The following MYO1E variants were observed in gnomAD, a reference collection of about 807,000 sequenced individuals.
MYO1E encodes the protein unconventional myosin-Ie.
A neutral mutation model predicts 151.1 loss-of-function variants in MYO1E; 68 were observed. The observed-to-expected ratio is 0.45, with a 90% CI of 0.37 to 0.55. The LOEUF (loss-of-function observed/expected upper bound fraction) is 0.55, where lower values mean the gene tolerates loss of function less well. Ranked by LOEUF, MYO1E falls within the 20% of genes least tolerant of loss-of-function variation. The pLI, the probability that MYO1E is intolerant of heterozygous loss-of-function variation, is 0.00. For synonymous variants in MYO1E, 601 were observed against 501.7 expected (o/e 1.20, Z -2.64); for missense variants, 1,363 against 1,389.3 (o/e 0.98, Z 0.30).
rs1250473775 is a variant in MYO1E at position 59,195,574 on chromosome 15, A to G, written c.1699-7T>C. 1 of 1,605,118 alleles carries G rather than the reference A, an allele frequency of 6.2e-7. No individual in the cohort carries two copies. The highest frequency in any genetic ancestry group is 8.5e-7 in the Non-Finnish European group (1 of 1,171,772). The stretch of plus-strand genomic sequence containing the variant: ...CAAGGTCATTGGCTTGTTTCTAGAA[A>G]GGAAGAACAGTATCAGAATCATGGA... On this transcript the variant is annotated splice_polypyrimidine_tract_variant and splice_region_variant and intron_variant, in intron 16 of 27. Transcript: ENST00000288235.
chr15:59,371,149 T>G (rs2140447591), intron 1 of MYO1E, among the ~76,000 whole-genome samples: 1 of 152,316 alleles, frequency 6.6e-6, no homozygotes, highest in Admixed American at 6.5e-5. Flanking sequence ...CCTTGAAAGG[T>G]TTCTCGTTGA....
In MYO1E at chr15:59,207,668, G is replaced by C. The variant is rs757266295; in HGVS notation, c.1530+1013C>G. ...CATGGATGGATCCTCGGAGAGCATG[G>C]AGACTCAAGTGTTCCTGTGTGGAGT... On this transcript the variant is annotated intron_variant, in intron 14 of 27. Coordinates refer to ENST00000288235, the MANE Select transcript of MYO1E (RefSeq NM_004998.4). The C allele has an allele frequency of 5.6e-6, 9 of 1,614,188 alleles. No homozygotes were observed. In the East Asian group the frequency reaches 1.8e-4, roughly 32 times the overall value.
intron 10 of MYO1E, among the ~76,000 whole-genome samples, chr15:59,216,511 G>A (rs142951208): frequency 7.6e-4 from 115 of 150,796 alleles, no homozygotes; most frequent in African/African-American, 2.7e-3. Flanking sequence ...CTACACTGCT[G>A]AAAGACTAAT....
At chr15:59,242,688 C>A (rs1219532219) in intron 4 of MYO1E, among the ~76,000 whole-genome samples, 1 of 152,150 alleles carries the variant, frequency 6.6e-6, no homozygotes. Flanking sequence ...AGGATGTTGT[C>A]ATGATCTGAG....
Position 59,217,194 on chromosome 15 carries a change from G to A in MYO1E, c.1107+697C>T, listed in dbSNP as rs545379179. On this transcript the variant is annotated intron_variant, in intron 10 of 27. Transcript: ENST00000288235. ...TCACCCTCAGAAACTGAGAAAATAA[G>A]TGCTTATGGTTTCAAGCCGCTAGGT... 3.3e-5 allele frequency among the ~76,000 whole-genome samples: 5 copies of A among 152,270 alleles called. No homozygotes were observed. The South Asian group carries it at 6.2e-4, about 19-fold the overall frequency.
intron 1 of MYO1E, among the ~76,000 whole-genome samples, chr15:59,292,242 A>G (rs751012840): frequency 2.0e-5 from 3 of 152,202 alleles, no homozygotes; most frequent in Non-Finnish European, 2.9e-5. Context: ...TTCAAGGCAA[A>G]TTCATCAGTT....
chr15:59,320,700 A>T (rs868640346), intron 1 of MYO1E, among the ~76,000 whole-genome samples: 4 of 152,208 alleles, frequency 2.6e-5, no homozygotes, highest in Non-Finnish European at 5.9e-5. Context: ...TGGATTAAAG[A>T]TTTAAATGTA....
At chr15:59,275,364 C>T (rs2080312168) in intron 1 of MYO1E, among the ~76,000 whole-genome samples, 1 of 152,100 alleles carries the variant, frequency 6.6e-6, no homozygotes, top group African/African-American at 2.4e-5. Context: ...CAATAGGTCA[C>T]ATATCAGTTT....
chr15:59,260,322 G>A (rs1596388949), intron 3 of MYO1E, among the ~76,000 whole-genome samples: 1 of 152,214 alleles, frequency 6.6e-6, no homozygotes, highest in Non-Finnish European at 1.5e-5. Flanking sequence ...CATAAAGGCA[G>A]CATTATCAAA....
chr15:59,163,326 C>T (rs758572446), intron 22 of MYO1E, 23 bp from the exon 23 acceptor site: 31 of 1,609,360 alleles, frequency 1.9e-5, no homozygotes, highest in Admixed American at 3.3e-5. Context: ...TGGACAAACA[C>T]ACTTGGTGAA....
In MYO1E at chr15:59,372,495, C is replaced by G; in HGVS notation, c.3+3G>C. On this transcript the variant is annotated splice_donor_region_variant and intron_variant, in intron 1 of 27. Coordinates refer to ENST00000288235, the MANE Select transcript of MYO1E (RefSeq NM_004998.4). Reference sequence around the variant, plus strand: ...GTCCTAGGACGCGGCGCGGCCAACTCACCATGGTGACTCGCGCCGCGGTCG... The same window carrying G: ...GTCCTAGGACGCGGCGCGGCCAACTGACCATGGTGACTCGCGCCGCGGTCG... 1 of 1,538,274 alleles carries G rather than the reference C, an allele frequency of 6.5e-7. No homozygotes were observed. The highest frequency in any genetic ancestry group is 8.7e-7 in the Non-Finnish European group (1 of 1,143,634).
At chr15:59,300,866 C>CTTTTTTTTTTT (rs58955743) in intron 1 of MYO1E, among the ~76,000 whole-genome samples, 18 of 127,118 alleles carry the variant, frequency 1.4e-4, no homozygotes, top group East Asian at 2.2e-4. Flanking sequence ...CCTTTTTTTT[C>CTTTTTTTTTTT]TTTTTTTTTT....
intron 2 of MYO1E, among the ~76,000 whole-genome samples, chr15:59,265,168 A>C (rs1350148560): frequency 3.3e-5 from 5 of 152,192 alleles, no homozygotes; most frequent in African/African-American, 1.2e-4. Flanking sequence ...CCAGGGAAAA[A>C]CAAACAGGCA....
chr15:59,289,914 G>T (rs921997370), intron 1 of MYO1E, among the ~76,000 whole-genome samples: 7 of 152,156 alleles, frequency 4.6e-5, no homozygotes, highest in Non-Finnish European at 8.8e-5. Flanking sequence ...ACTTCTCATT[G>T]TATCTGTGAA....
At chr15:59,216,689 CAT>C (rs1315001057) in intron 10 of MYO1E, among the ~76,000 whole-genome samples, 32 of 14,360 alleles carry the variant, frequency 2.2e-3, no homozygotes, top group African/African-American at 3.7e-3. Flanking sequence ...TATATATACA[CAT>C]ACACACACAC....
At chr15:59,169,372 G>T (rs183803295) in intron 22 of MYO1E, among the ~76,000 whole-genome samples, 5 of 152,272 alleles carry the variant, frequency 3.3e-5, no homozygotes, top group Admixed American at 3.3e-4. Flanking sequence ...CAGTAGTCTG[G>T]TACCAGAATT....
chr15:59,201,437 T>C (rs376669749), intron 16 of MYO1E, among the ~76,000 whole-genome samples: 4 of 142,852 alleles, frequency 2.8e-5, no homozygotes, highest in South Asian at 4.4e-4. Context: ...GGAGTTTTAC[T>C]CTTGTTGCCG....
chr15:59,359,126 G>C (rs2080870935), intron 1 of MYO1E, among the ~76,000 whole-genome samples: 1 of 151,736 alleles, frequency 6.6e-6, no homozygotes, highest in African/African-American at 2.4e-5. Flanking sequence ...AAAGCTATTT[G>C]GTCACTGAAA....
chr15:59,163,370 T>C, intron 22 of MYO1E, 67 bp from the exon 23 acceptor site: 1 of 1,513,438 alleles, frequency 6.6e-7, no homozygotes, highest in Non-Finnish European at 9.0e-7. Context: ...TGTTTTTTTT[T>C]TCTTCCATTT....
Sources: allele counts gnomAD v4.1 joint callset (sites outside exome capture counted in the v4.1 genomes callset), GRCh38; gene constraint gnomAD v4.1.1; transcripts MANE v1.5; gene names NCBI Gene and HGNC (gene_info 2026-07-23, HGNC 2026-07-21).